Variants in GPC6 observed in about 807,000 individuals in gnomAD.
GPC6 encodes glypican 6.
A neutral mutation model predicts 55.2 loss-of-function variants in GPC6; 14 were observed. The ratio of observed to expected loss-of-function variants is 0.25; its 90% confidence interval spans 0.17 to 0.40. The LOEUF (loss-of-function observed/expected upper bound fraction) is 0.40, where lower values mean the gene tolerates loss of function less well. Ranked by LOEUF, GPC6 falls within the 10% of genes least tolerant of loss-of-function variation. The pLI is 1.00. For synonymous variants in GPC6, 278 were observed against 259.6 expected (o/e 1.07, Z -0.68); for missense variants, 641 against 708.5 (o/e 0.90, Z 1.08).
At chr13:93,476,917 T>C (rs2139336141) in intron 1 of GPC6, among the ~76,000 whole-genome samples, 1 of 152,314 alleles carries the variant, frequency 6.6e-6, no homozygotes, top group African/African-American at 2.4e-5. Context: ...GGGAAAATTT[T>C]AGAATTTAAA....
intron 2 of GPC6, among the ~76,000 whole-genome samples, chr13:93,698,485 C>CTTTTTTTTTTTT (rs57058820): frequency 6.2e-5 from 2 of 32,436 alleles, no homozygotes; most frequent in African/African-American, 1.2e-4. Flanking sequence ...CTGTGTGGGT[C>CTTTTTTTTTTTT]TTTTTTTTTT....
At chr13:93,894,340 T>G (rs1875867474) in intron 3 of GPC6, among the ~76,000 whole-genome samples, 1 of 152,178 alleles carries the variant, frequency 6.6e-6, no homozygotes, top group South Asian at 2.1e-4. Context: ...GTCATGGGAT[T>G]AAGGTGTATA....
chr13:93,688,969 G>T (rs1453332735), intron 2 of GPC6, among the ~76,000 whole-genome samples: 1 of 151,974 alleles, frequency 6.6e-6, no homozygotes, highest in Non-Finnish European at 1.5e-5. Context: ...ATCCTATGAG[G>T]TTTGCTTGTT....
At chr13:93,262,851 G>A (rs1877197618) in intron 1 of GPC6, among the ~76,000 whole-genome samples, 1 of 152,140 alleles carries the variant, frequency 6.6e-6, no homozygotes, top group African/African-American at 2.4e-5. Flanking sequence ...TGATGCCATT[G>A]CAAGAAGGAG....
At chr13:93,355,630 C>G (rs1880819008) in intron 1 of GPC6, among the ~76,000 whole-genome samples, 1 of 152,078 alleles carries the variant, frequency 6.6e-6, no homozygotes, top group Non-Finnish European at 1.5e-5. Flanking sequence ...ACTCCAGAGG[C>G]TCTGAAATGT....
At chr13:94,121,087 A>G (rs1886614191) in intron 4 of GPC6, among the ~76,000 whole-genome samples, 1 of 152,122 alleles carries the variant, frequency 6.6e-6, no homozygotes, top group Non-Finnish European at 1.5e-5. Context: ...TGGAGAATCA[A>G]CGCTGGGTAC....
chr13:93,476,739 A>G (rs899359261), intron 1 of GPC6, among the ~76,000 whole-genome samples: 1 of 152,170 alleles, frequency 6.6e-6, no homozygotes, highest in Non-Finnish European at 1.5e-5. Context: ...CTATTTATCC[A>G]ATATTAAATG....
At chr13:94,315,336 C>A (rs1298855805) in intron 6 of GPC6, among the ~76,000 whole-genome samples, 1 of 152,198 alleles carries the variant, frequency 6.6e-6, no homozygotes, top group African/African-American at 2.4e-5. Context: ...AAGTTTATTT[C>A]TTGTATGTGC....
intron 2 of GPC6, among the ~76,000 whole-genome samples, chr13:93,709,468 A>G (rs1474730590): frequency 6.6e-6 from 1 of 151,756 alleles, no homozygotes; most frequent in Non-Finnish European, 1.5e-5. Flanking sequence ...ACATTTTTAT[A>G]TTGAAGTTCC....
intron 6 of GPC6, among the ~76,000 whole-genome samples, chr13:94,377,830 T>C (rs1257013992): frequency 6.6e-6 from 1 of 152,142 alleles, no homozygotes; most frequent in African/African-American, 2.4e-5. Flanking sequence ...GATTAAGAAA[T>C]TGTGGCACAT....
chr13:94,090,589 G>A (rs932983167), intron 4 of GPC6, among the ~76,000 whole-genome samples: 2 of 152,132 alleles, frequency 1.3e-5, no homozygotes, highest in Non-Finnish European at 2.9e-5. Context: ...CAGGTCTCCT[G>A]ATTTGCAAAC....
At chr13:93,909,375 G>A (rs1876842986) in intron 3 of GPC6, among the ~76,000 whole-genome samples, 1 of 151,742 alleles carries the variant, frequency 6.6e-6, no homozygotes, top group Non-Finnish European at 1.5e-5. Context: ...GTTAAGTGAA[G>A]AAAATAAGAA....
intron 1 of GPC6, among the ~76,000 whole-genome samples, chr13:93,332,261 C>CTTTTTTTT (rs202196621): frequency 6.9e-5 from 9 of 129,942 alleles, no homozygotes; most frequent in South Asian, 2.4e-4. Context: ...TTCTGTTTTT[C>CTTTTTTTT]TTTTTTTTTT....
chr13:94,089,127 T>G (rs1439600276), intron 4 of GPC6, among the ~76,000 whole-genome samples: 1 of 152,168 alleles, frequency 6.6e-6, no homozygotes, highest in African/African-American at 2.4e-5. Flanking sequence ...TAGAGCATGA[T>G]TAAAAGCCCT....
Position 94,306,254 on chromosome 13 carries a change from A to G in GPC6, c.1152+131A>G, listed in dbSNP as rs1566656717. The G allele has an allele frequency of 4.6e-6, 4 of 877,426 alleles. No homozygotes were observed. In the East Asian group the frequency reaches 1.0e-4, roughly 23 times the overall value. The allele number at this position is 877,426 out of a possible 1,614,324, so 54.4% of individuals were successfully genotyped here. On this transcript the variant is annotated intron_variant, in intron 6 of 8. Transcript: ENST00000377047. Reference sequence around the variant, plus strand: ...ATGCTTATATCTGCCTCTGTTCTTAATTAGAATATTGAAAAGTAATGGGAT... The same window carrying G: ...ATGCTTATATCTGCCTCTGTTCTTAGTTAGAATATTGAAAAGTAATGGGAT...
intron 1 of GPC6, among the ~76,000 whole-genome samples, chr13:93,254,036 T>A (rs1340757160): frequency 6.6e-6 from 1 of 152,184 alleles, no homozygotes; most frequent in African/African-American, 2.4e-5. Flanking sequence ...TGCTGTGTAT[T>A]TTAAATATTA....
chr13:93,702,486 A>G (rs1566494518), intron 2 of GPC6, among the ~76,000 whole-genome samples: 1 of 151,996 alleles, frequency 6.6e-6, no homozygotes, highest in Non-Finnish European at 1.5e-5. Flanking sequence ...TTAAGTCACC[A>G]GTTTCATTAG....
At chr13:93,840,035 AG>A (rs1887890711) in intron 3 of GPC6, among the ~76,000 whole-genome samples, 2 of 152,124 alleles carry the variant, frequency 1.3e-5, no homozygotes, top group African/African-American at 2.4e-5. Context: ...TAGTGTCAAA[AG>A]GATTGGTGCC....
intron 3 of GPC6, among the ~76,000 whole-genome samples, chr13:93,901,602 T>C (rs1419492813): frequency 2.6e-5 from 4 of 152,014 alleles, no homozygotes; most frequent in Non-Finnish European, 4.4e-5. Context: ...AAGACATAAC[T>C]CTTTAAAAAG....
Sources: allele counts gnomAD v4.1 joint callset (sites outside exome capture counted in the v4.1 genomes callset), GRCh38; gene constraint gnomAD v4.1.1; transcripts MANE v1.5; gene names NCBI Gene and HGNC (gene_info 2026-07-23, HGNC 2026-07-21).